Variants in MIR2052HG observed in about 807,000 individuals in gnomAD.
MIR2052HG encodes MIR2052 host gene.
intron 2 of MIR2052HG, among the ~76,000 whole-genome samples, chr8:74,646,641 G>A (rs1263773952): frequency 2.0e-5 from 3 of 152,136 alleles, no homozygotes; most frequent in African/African-American, 7.2e-5. Flanking sequence ...ATTACTATGA[G>A]CCCCAGGCAA....
At chr8:74,606,913 GATAAA>G (rs372881033) in intron 1 of MIR2052HG, among the ~76,000 whole-genome samples, 14 of 151,806 alleles carry the variant, frequency 9.2e-5, no homozygotes, top group African/African-American at 3.1e-4. Flanking sequence ...AAAAAAGGCA[GATAAA>G]ATGAAATAAT....
intron 2 of MIR2052HG, among the ~76,000 whole-genome samples, chr8:74,656,553 C>T (rs1439834616): frequency 6.6e-6 from 1 of 152,188 alleles, no homozygotes; most frequent in Non-Finnish European, 1.5e-5. Flanking sequence ...GTACCTTTCA[C>T]CTCCTGCCAT....
chr8:74,755,858 C>T (rs926117894), intron 5 of MIR2052HG, among the ~76,000 whole-genome samples: 5 of 152,146 alleles, frequency 3.3e-5, no homozygotes, highest in African/African-American at 4.8e-5. Context: ...TGGCCAATCA[C>T]GTGGCTGGGT....
chr8:74,615,478 T>C (rs1808266432), intron 2 of MIR2052HG, among the ~76,000 whole-genome samples: 1 of 152,218 alleles, frequency 6.6e-6, no homozygotes, highest in African/African-American at 2.4e-5. Flanking sequence ...TCCAGTGTTC[T>C]TTCATCTCAC....
At position 74,753,445 on chromosome 8, in the gene MIR2052HG, C is replaced by T. The variant is rs113809562; in HGVS notation, n.464+912C>T. ...TTAGAAGTGGAAAATCATAGTGATT[C>T]TCCAATTCCATACTAAGACTGAGAA... On this transcript the variant is annotated intron_variant and non_coding_transcript_variant, in intron 5 of 6. Transcript: ENST00000523442. Among the ~76,000 whole-genome samples, 29 of 152,242 alleles carry T rather than the reference C, an allele frequency of 1.9e-4. 4 individuals carry two copies. Among genetic ancestry groups the T allele is most frequent in the African/African-American group, 6.5e-4 (27 of 41,532 alleles).
chr8:74,681,282 C>T (rs1202120142), intron 2 of MIR2052HG, among the ~76,000 whole-genome samples: 1 of 151,926 alleles, frequency 6.6e-6, no homozygotes, highest in African/African-American at 2.4e-5. Flanking sequence ...AAATACAATG[C>T]AATTCCAGCA....
At chr8:74,677,548 A>C (rs1018593656) in intron 2 of MIR2052HG, among the ~76,000 whole-genome samples, 2 of 152,122 alleles carry the variant, frequency 1.3e-5, no homozygotes, top group Non-Finnish European at 2.9e-5. Context: ...ACAAAAATTA[A>C]CATATCAAAA....
intron 2 of MIR2052HG, among the ~76,000 whole-genome samples, chr8:74,664,294 A>AAGAT (rs1808898236): frequency 2.0e-5 from 3 of 152,164 alleles, no homozygotes; most frequent in Admixed American, 2.0e-4. Flanking sequence ...AAGAAAAAAA[A>AAGAT]AGATTCTCCA....
intron 2 of MIR2052HG, among the ~76,000 whole-genome samples, chr8:74,659,067 G>A (rs977845170): frequency 3.9e-5 from 6 of 152,144 alleles, no homozygotes; most frequent in African/African-American, 7.2e-5. Flanking sequence ...AAAGTTATGC[G>A]CACTGTTTTC....
In MIR2052HG at chr8:74,729,143, T is replaced by C. The variant is rs1035202044; in HGVS notation, n.372-23298T>C. 2.6e-5 allele frequency among the ~76,000 whole-genome samples: 4 copies of C among 152,162 alleles called. No individual in the cohort carries two copies. The South Asian group carries it at 6.2e-4, about 24-fold the overall frequency. On this transcript the variant is annotated intron_variant and non_coding_transcript_variant, in intron 4 of 6. Transcript: ENST00000523442. Reference sequence around the variant, plus strand: ...GCTCCAACAATCACATCACTGTAATTGTTCACACATTTCAGGCAGGCATTT... The same window carrying C: ...GCTCCAACAATCACATCACTGTAATCGTTCACACATTTCAGGCAGGCATTT...
intron 1 of MIR2052HG, among the ~76,000 whole-genome samples, chr8:74,609,419 G>C (rs1808158990): frequency 6.6e-6 from 1 of 151,800 alleles, no homozygotes; most frequent in South Asian, 2.1e-4. Flanking sequence ...AATTATAAAA[G>C]AGAAAATATT....
Position 74,722,041 on chromosome 8 carries a change from T to A in MIR2052HG, n.371+18359T>A, listed in dbSNP as rs60137995. On this transcript the variant is annotated intron_variant and non_coding_transcript_variant, in intron 4 of 6. Transcript: ENST00000523442. ...GACCCGTTTCTACAAAGTTAAAAAA[T>A]TAGCTGGACATGTGGTCATGCACCT... is the stretch of plus-strand genomic sequence containing the variant. 7.8e-3 allele frequency among the ~76,000 whole-genome samples: 1,182 copies of A among 152,186 alleles called. 18 individuals carry two copies. The highest frequency in any genetic ancestry group is 0.026 in the African/African-American group (1,092 of 41,496).
chr8:74,626,459 G>A (rs1450567193), intron 2 of MIR2052HG, among the ~76,000 whole-genome samples: 1 of 152,142 alleles, frequency 6.6e-6, no homozygotes, highest in African/African-American at 2.4e-5. Flanking sequence ...ATGGAAGTAA[G>A]AGGGCTCCTA....
intron 4 of MIR2052HG, among the ~76,000 whole-genome samples, chr8:74,740,998 A>G (rs761742229): frequency 2.2e-4 from 33 of 152,344 alleles, no homozygotes; most frequent in Admixed American, 6.5e-4. Context: ...CAAATACTAA[A>G]TCATTGCTCC....
chr8:74,688,706 G>T (rs1809208757), intron 2 of MIR2052HG, among the ~76,000 whole-genome samples: 1 of 152,072 alleles, frequency 6.6e-6, no homozygotes, highest in Admixed American at 6.6e-5. Context: ...GGTGGTATTT[G>T]GTTACATGAT....
intron 2 of MIR2052HG, among the ~76,000 whole-genome samples, chr8:74,665,836 C>G (rs1023872668): frequency 2.0e-5 from 3 of 152,052 alleles, no homozygotes; most frequent in African/African-American, 7.2e-5. Context: ...CCTTGCTGTT[C>G]TTGTGATAGT....
At chr8:74,602,851 T>TTCTTTCTTTCTTTCTTTC (rs1808033682) in intron 1 of MIR2052HG, among the ~76,000 whole-genome samples, 2 of 143,768 alleles carry the variant, frequency 1.4e-5, no homozygotes, top group African/African-American at 5.3e-5. Flanking sequence ...CTTTCTTTCT[T>TTCTTTCTTTCTTTCTTTC]TCTTTCTTTC....
chr8:74,686,737 C>A (rs141069343), intron 2 of MIR2052HG, among the ~76,000 whole-genome samples: 1 of 152,194 alleles, frequency 6.6e-6, no homozygotes, highest in African/African-American at 2.4e-5. Context: ...GTAAACAAGG[C>A]AAGTCCTGTG....
At chr8:74,643,589 A>C (rs1397916407) in intron 2 of MIR2052HG, among the ~76,000 whole-genome samples, 1 of 151,758 alleles carries the variant, frequency 6.6e-6, no homozygotes, top group Non-Finnish European at 1.5e-5. Flanking sequence ...AGAAGTATCA[A>C]ATTATTCTAA....
Sources: gnomAD v4.1 joint callset for allele counts (sites outside exome capture counted in the v4.1 genomes callset) on GRCh38, gnomAD v4.1.1 for gene constraint, MANE v1.5 for transcripts, NCBI Gene and HGNC (gene_info 2026-07-23, HGNC 2026-07-21) for gene names.